LCORL: variants seen among roughly 807,000 people sequenced by gnomAD.
The protein encoded by LCORL is ligand dependent nuclear receptor corepressor like.
A neutral mutation model predicts 141.8 loss-of-function variants in LCORL; 41 were observed. The observed-to-expected ratio is 0.29, with a 90% CI of 0.23 to 0.38. The LOEUF (loss-of-function observed/expected upper bound fraction) is 0.38, where lower values mean the gene tolerates loss of function less well. LCORL is among the 10% of genes least tolerant of loss of function. The probability of loss-of-function intolerance (pLI) is 1.00; values close to 1 mark genes in which losing one functional copy is unlikely to be tolerated. For missense variants in LCORL, 1,759 were observed against 2,035.0 expected, an observed-to-expected ratio of 0.86 and a Z score of 2.61; for synonymous variants, 618 against 694.1, an observed-to-expected ratio of 0.89 and a Z score of 1.72.
At chr4:18,013,338 C>G (rs561868025) in intron 1 of LCORL, among the ~76,000 whole-genome samples, 1 of 152,174 alleles carries the variant, frequency 6.6e-6, no homozygotes, top group Non-Finnish European at 1.5e-5. Flanking sequence ...AAGTTATACT[C>G]TAGATATACT....
chr4:17,956,595 A>G (rs1712693812), intron 4 of LCORL, among the ~76,000 whole-genome samples: 2 of 151,998 alleles, frequency 1.3e-5, no homozygotes, highest in Non-Finnish European at 2.9e-5. Context: ...TGGGAGCTTA[A>G]GAAAACGCTG....
intron 1 of LCORL, among the ~76,000 whole-genome samples, chr4:17,980,705 G>A (rs1352442548): frequency 6.6e-6 from 1 of 152,156 alleles, no homozygotes; most frequent in Non-Finnish European, 1.5e-5. Context: ...AATCCCCAGG[G>A]CCATGGACCA....
intron 5 of LCORL, among the ~76,000 whole-genome samples, chr4:17,886,989 GA>G (rs1728362570): frequency 6.6e-6 from 1 of 151,914 alleles, no homozygotes; most frequent in Non-Finnish European, 1.5e-5. Flanking sequence ...TTAGCTCTAA[GA>G]AAAATTATTA....
intron 4 of LCORL, chr4:17,912,924 A>T: frequency 2.1e-6 from 1 of 470,276 alleles, no homozygotes; most frequent in South Asian, 1.8e-5. Flanking sequence ...GCCACCGGAT[A>T]GTGGATGGCA....
intron 7 of LCORL, among the ~76,000 whole-genome samples, chr4:17,867,526 T>C (rs1256359100): frequency 6.6e-6 from 1 of 152,214 alleles, no homozygotes; most frequent in Non-Finnish European, 1.5e-5. Context: ...ATTAAATCTA[T>C]GTCTGAAAAT....
At chr4:17,921,876 T>G (rs1734354121) in intron 4 of LCORL, among the ~76,000 whole-genome samples, 1 of 152,188 alleles carries the variant, frequency 6.6e-6, no homozygotes, top group Non-Finnish European at 1.5e-5. Context: ...TCTTCTGGCC[T>G]CCATCCTTCT....
chr4:17,858,441 T>C (rs552150090), intron 7 of LCORL, among the ~76,000 whole-genome samples: 6 of 151,906 alleles, frequency 3.9e-5, no homozygotes, highest in Admixed American at 1.3e-4. Flanking sequence ...TTTAAAGAAA[T>C]TGGCCAGGTG....
intron 7 of LCORL, among the ~76,000 whole-genome samples, chr4:17,872,814 T>C (rs560176308): frequency 6.6e-6 from 1 of 152,294 alleles, no homozygotes; most frequent in East Asian, 1.9e-4. Context: ...AAAAATATTG[T>C]TGCTCTACCA....
At chr4:17,847,103 G>A (rs887625138) in intron 7 of LCORL, among the ~76,000 whole-genome samples, 3 of 152,222 alleles carry the variant, frequency 2.0e-5, no homozygotes, top group Admixed American at 1.3e-4. Flanking sequence ...TCCACTCTGT[G>A]TAATGAATAC....
At chr4:17,883,527 A>G in intron 6 of LCORL, 1 of 1,327,314 alleles carries the variant, frequency 7.5e-7, no homozygotes, top group Non-Finnish European at 9.6e-7. Flanking sequence ...CACAGTGAAA[A>G]CCCTGAATAA....
chr4:17,934,570 T>C (rs183383074), intron 4 of LCORL, among the ~76,000 whole-genome samples: 1 of 152,178 alleles, frequency 6.6e-6, no homozygotes, highest in South Asian at 2.1e-4. Flanking sequence ...GAGATGCTAT[T>C]TATTCCTTAA....
chr4:17,880,169 T>C (rs1288119146), intron 6 of LCORL, among the ~76,000 whole-genome samples: 4 of 151,064 alleles, frequency 2.6e-5, no homozygotes, highest in African/African-American at 7.3e-5. Flanking sequence ...AATTAGATAT[T>C]CAGATATTAG....
intron 1 of LCORL, among the ~76,000 whole-genome samples, chr4:17,988,903 G>C: frequency 6.6e-6 from 1 of 152,190 alleles, no homozygotes; most frequent in Non-Finnish European, 1.5e-5. Context: ...AGAATCGTTT[G>C]AACTTGGGAG....
intron 1 of LCORL, among the ~76,000 whole-genome samples, chr4:17,991,319 T>C (rs754657581): frequency 2.6e-5 from 4 of 152,188 alleles, no homozygotes; most frequent in Admixed American, 6.5e-5. Context: ...TTCTGTGTCT[T>C]TAAGGAAGGC....
intron 4 of LCORL, among the ~76,000 whole-genome samples, chr4:17,936,592 A>G (rs1736901503): frequency 6.6e-6 from 1 of 152,204 alleles, no homozygotes; most frequent in South Asian, 2.1e-4. Flanking sequence ...TCAGATAGCA[A>G]TGGATATTGC....
intron 1 of LCORL, among the ~76,000 whole-genome samples, chr4:17,996,542 G>A (rs1720947492): frequency 6.6e-6 from 1 of 151,956 alleles, no homozygotes; most frequent in Non-Finnish European, 1.5e-5. Context: ...TATACCTCCA[G>A]GATGGAAGAA....
At chr4:17,901,802 A>C (rs1730928272) in intron 5 of LCORL, among the ~76,000 whole-genome samples, 1 of 152,172 alleles carries the variant, frequency 6.6e-6, no homozygotes, top group Admixed American at 6.6e-5. Flanking sequence ...ACAAGACCAA[A>C]TAAACAGCAG....
At chr4:17,988,774 C>T (rs550795148) in intron 1 of LCORL, among the ~76,000 whole-genome samples, 1 of 152,102 alleles carries the variant, frequency 6.6e-6, no homozygotes, top group Non-Finnish European at 1.5e-5. Context: ...CACTTGAGGT[C>T]AGGAGTTCGA....
intron 5 of LCORL, among the ~76,000 whole-genome samples, chr4:17,892,616 T>TAA (rs142832398): frequency 0.063 from 9,658 of 152,218 alleles, 568 homozygotes; most frequent in African/African-American, 0.16. Flanking sequence ...TTATTCACGA[T>TAA]GAGATGATAT....
Sources: allele counts gnomAD v4.1 joint callset (sites outside exome capture counted in the v4.1 genomes callset), GRCh38; gene constraint gnomAD v4.1.1; transcripts MANE v1.5; gene names NCBI Gene and HGNC (gene_info 2026-07-23, HGNC 2026-07-21).